The following CDH22 variants were observed in gnomAD, a reference collection of about 807,000 sequenced individuals.
The protein encoded by CDH22 is cadherin-22.
Under a neutral mutation model 58.4 loss-of-function variants are expected in CDH22, and 30 were observed. The ratio of observed to expected loss-of-function variants is 0.51; its 90% CI spans 0.38 to 0.70. CDH22 has a LOEUF of 0.70. Ranked by LOEUF, CDH22 falls within the 30% of genes least tolerant of loss-of-function variation. The pLI is 0.00. For missense variants in CDH22, 1,014 were observed against 1,233.9 expected, an observed-to-expected ratio of 0.82 and a Z score of 2.67; for synonymous variants, 513 against 558.2, an observed-to-expected ratio of 0.92 and a Z score of 1.14.
At position 46,213,184 on chromosome 20, in the gene CDH22, C is replaced by T; in HGVS notation, c.843G>A (p.Met281Ile). The T allele has an allele frequency of 2.5e-6, 4 of 1,614,060 alleles. No homozygotes were observed. The South Asian group carries it at 4.4e-5, about 18-fold the overall frequency. Reference sequence around the variant, plus strand: ...CTGACTCCTGGATGCTGAACTGGTACATCTCTGTGGGGGACACGGCCATGA... The same window carrying T: ...CTGACTCCTGGATGCTGAACTGGTATATCTCTGTGGGGGACACGGCCATGA... The part of the protein sequence containing the change: ...NDNPPRFPQK[M>I]YQFSIQESAP... Residue 281 changes from methionine (M) to isoleucine (I), a missense_variant, in exon 6 of 12, where the codon ATG (methionine) becomes ATA (isoleucine). This residue lies in a region of CDH22 where 806 missense variants were observed against 1,038.7 expected (regional missense o/e 0.78). Coordinates refer to ENST00000537909, the MANE Select transcript of CDH22 (RefSeq NM_021248.3).
chr20:46,212,928 C>T (rs1352328918), intron 6 of CDH22, 67 bp downstream of exon 6: 4 of 1,393,370 alleles, frequency 2.9e-6, no homozygotes, highest in African/African-American at 1.4e-5. Context: ...ATTCGGCTGC[C>T]CAGAGGCCTC....
intron 3 of CDH22, among the ~76,000 whole-genome samples, chr20:46,235,910 G>A (rs937006912): frequency 3.9e-5 from 6 of 152,136 alleles, no homozygotes; most frequent in Non-Finnish European, 5.9e-5. Context: ...TTAAACCTCT[G>A]CTCTCCATCT....
intron 1 of CDH22, among the ~76,000 whole-genome samples, chr20:46,276,436 G>C (rs971591289): frequency 3.3e-5 from 5 of 152,178 alleles, no homozygotes; most frequent in African/African-American, 1.2e-4. Flanking sequence ...ATTGACAGTC[G>C]TGGGCGATTG....
In CDH22 at chr20:46,183,773, C is replaced by CTCG. The variant is rs1568650553; in HGVS notation, c.1663+2814_1663+2815insCGA. Among the ~76,000 whole-genome samples, 220 of 152,122 alleles carry CTCG rather than the reference C, an allele frequency of 1.4e-3. 2 individuals carry two copies. Among genetic ancestry groups the CTCG allele is most frequent in the African/African-American group, 5.0e-3 (206 of 41,478 alleles). On this transcript the variant is annotated intron_variant, in intron 10 of 11. Coordinates refer to ENST00000537909, the MANE Select transcript of CDH22 (RefSeq NM_021248.3). ...CTGGCTTCAGAGGCCACTAAGGCTC[C>CTCG]GCATTGGGTGTGAGTGTGTAAAGGC...
Position 46,190,920 on chromosome 20 carries a change from C to T in CDH22, c.1424-3973G>A, listed in dbSNP as rs1024890736. On this transcript the variant is annotated intron_variant, in intron 8 of 11. Coordinates refer to ENST00000537909, the MANE Select transcript of CDH22 (RefSeq NM_021248.3). Reference sequence around the variant, plus strand: ...CTGCTGTGCAGTGGGGCAGGTCTCTCACCTTCACTGGGCCTCAGAGTTTCT... The same window carrying T: ...CTGCTGTGCAGTGGGGCAGGTCTCTTACCTTCACTGGGCCTCAGAGTTTCT... 2.6e-5 allele frequency among the ~76,000 whole-genome samples: 4 copies of T among 152,186 alleles called. No individual in the cohort carries two copies. In the East Asian group the frequency reaches 5.8e-4, roughly 22 times the overall value.
Position 46,210,686 on chromosome 20 carries a change from A to C in CDH22, c.1033-126T>G. The C allele has an allele frequency of 4.6e-6, 4 of 870,962 alleles. No individual in the cohort carries two copies. Among genetic ancestry groups the C allele is most frequent in the Non-Finnish European group, 3.2e-6 (2 of 623,406 alleles). 54.0% of individuals were successfully genotyped at this position (870,962 alleles called of 1,614,324 possible). A position where few individuals can be genotyped will look rare whatever the true frequency, so the allele number is the denominator to read the frequency against. On this transcript the variant is annotated intron_variant, in intron 6 of 11. Transcript: ENST00000537909. The surrounding 1 kb of genome is among the most constrained non-coding windows in gnomAD (Gnocchi z 4.5). ...CGTTGTCTCAGCAGGGGCGGCAGGG[A>C]TGTTTGGGCTGCATTGCAGAACTGA...
intron 1 of CDH22, among the ~76,000 whole-genome samples, chr20:46,293,311 G>A (rs1016019039): frequency 2.0e-5 from 3 of 152,194 alleles, no homozygotes; most frequent in African/African-American, 7.2e-5. Context: ...CCATGAAGCT[G>A]CCGCTACAGG....
intron 1 of CDH22, among the ~76,000 whole-genome samples, chr20:46,294,230 T>C (rs1298924064): frequency 6.6e-6 from 1 of 152,198 alleles, no homozygotes; most frequent in Admixed American, 6.5e-5. Flanking sequence ...GTCCTTCCTG[T>C]GGAGCCCTAG....
chr20:46,300,619 A>G lies in CDH22; in HGVS notation c.-400+7636T>C, dbSNP rs2086647245. 6.6e-6 allele frequency among the ~76,000 whole-genome samples: 1 copy of G among 152,206 alleles called. No individual in the cohort carries two copies. The highest frequency in any genetic ancestry group is 2.4e-5 in the African/African-American group (1 of 41,454). On this transcript the variant is annotated intron_variant, in intron 1 of 11. Transcript: ENST00000537909. The surrounding 1 kb of genome is among the most constrained non-coding windows in gnomAD (Gnocchi z 4.4). ...GGCTTTCTGCTTTTTTGACTCGCAG[A>G]GGGGTCTGTGGTGTTAACATCTGGA... is the stretch of plus-strand genomic sequence containing the variant.
intron 3 of CDH22, among the ~76,000 whole-genome samples, chr20:46,239,245 G>T (rs956525259): frequency 2.2e-4 from 34 of 152,216 alleles, no homozygotes; most frequent in African/African-American, 8.0e-4. Context: ...TTTGTTGAAT[G>T]AATGAATATA....
At chr20:46,186,406 C>A (rs908067995) in intron 10 of CDH22, among the ~76,000 whole-genome samples, 182 bp downstream of exon 10, 5 of 151,706 alleles carry the variant, frequency 3.3e-5, no homozygotes, top group African/African-American at 1.2e-4. Flanking sequence ...CTCCACCAAC[C>A]CACACCCTGC....
chr20:46,301,621 G>A (rs534171837), intron 1 of CDH22, among the ~76,000 whole-genome samples: 80 of 152,038 alleles, frequency 5.3e-4, no homozygotes, highest in Admixed American at 4.1e-3. Flanking sequence ...GACCAGCCTG[G>A]CCAACACGGT....
At chr20:46,274,913 C>T (rs943252638) in intron 1 of CDH22, among the ~76,000 whole-genome samples, 4 of 151,344 alleles carry the variant, frequency 2.6e-5, no homozygotes, top group South Asian at 2.1e-4. Context: ...AGACAGAAAG[C>T]GAAAGAAATG....
intron 1 of CDH22, among the ~76,000 whole-genome samples, chr20:46,279,053 A>G (rs927778570): frequency 1.3e-5 from 2 of 152,194 alleles, no homozygotes; most frequent in African/African-American, 2.4e-5. Context: ...CAACCCAGCT[A>G]TGTGGCTCTA....
At chr20:46,221,241 T>C (rs2086122454) in intron 4 of CDH22, among the ~76,000 whole-genome samples, 1 of 151,924 alleles carries the variant, frequency 6.6e-6, no homozygotes, top group African/African-American at 2.4e-5. Context: ...TAATAAATTA[T>C]TGTTGCTTTA....
chr20:46,176,991 C>A (rs951825773), intron 11 of CDH22, among the ~76,000 whole-genome samples: 1 of 152,112 alleles, frequency 6.6e-6, no homozygotes, highest in Non-Finnish European at 1.5e-5. Context: ...AAAGTGCACC[C>A]TCTGGAAAAA....
chr20:46,214,452 T>G (rs563350655), intron 5 of CDH22, among the ~76,000 whole-genome samples: 1 of 152,284 alleles, frequency 6.6e-6, no homozygotes, highest in African/African-American at 2.4e-5. Flanking sequence ...GAGATGAACA[T>G]GCCACTCCCC....
intron 1 of CDH22, among the ~76,000 whole-genome samples, chr20:46,286,617 T>A (rs1181238309): frequency 6.6e-6 from 1 of 151,952 alleles, no homozygotes. Context: ...AGTCTACCAG[T>A]CAGAATGAAT....
chr20:46,246,166 A>C (rs1176644243), intron 2 of CDH22, among the ~76,000 whole-genome samples: 1 of 152,248 alleles, frequency 6.6e-6, no homozygotes, highest in Non-Finnish European at 1.5e-5. Context: ...TATTAAAGAC[A>C]ATTAAACGGA....
Sources: gnomAD v4.1 joint callset for allele counts (sites outside exome capture counted in the v4.1 genomes callset) on GRCh38, gnomAD v4.1.1 for gene constraint, gnomAD v4.1.1 regional missense constraint, Gnocchi (gnomAD v3.1) non-coding constraint, MANE v1.5 for transcripts, NCBI Gene and HGNC (gene_info 2026-07-23, HGNC 2026-07-21) for gene names.